Variants in CDADC1 observed in about 807,000 individuals in gnomAD.
The protein encoded by CDADC1 is cytidine and dCMP deaminase domain containing 1, also known as dCTP deaminase.
Under a neutral mutation model 54.9 loss-of-function variants are expected in CDADC1, and 39 were observed. The ratio of observed to expected loss-of-function variants is 0.71; its 90% CI spans 0.55 to 0.93. The LOEUF (loss-of-function observed/expected upper bound fraction) is 0.93, where lower values mean the gene tolerates loss of function less well. Among genes scored for constraint, CDADC1 ranks in the 40% least tolerant of loss-of-function variants. The pLI, the probability that CDADC1 is intolerant of heterozygous loss-of-function variation, is 0.00. For synonymous variants in CDADC1, 186 were observed against 204.0 expected (o/e 0.91, Z 0.75); for missense variants, 518 against 618.8 (o/e 0.84, Z 1.73).
intron 9 of CDADC1, among the ~76,000 whole-genome samples, chr13:49,289,287 C>T (rs1468635097): frequency 6.6e-6 from 1 of 151,918 alleles, no homozygotes; most frequent in African/African-American, 2.4e-5. Flanking sequence ...CACCACCATG[C>T]CCAGCTAATT....
At position 49,267,125 on chromosome 13, in the gene CDADC1, G is replaced by A. The variant is rs74951688; in HGVS notation, c.431-365G>A. On this transcript the variant is annotated intron_variant, in intron 4 of 9. Coordinates refer to ENST00000251108, the MANE Select transcript of CDADC1 (RefSeq NM_030911.4). ...TCACAGCTACTCAACTCTGCCACAC[G>A]AAAGCACCCAAAGACTATATAAGTG... is the stretch of plus-strand genomic sequence containing the variant. Among the ~76,000 whole-genome samples, 677 of 152,284 alleles carry A rather than the reference G, an allele frequency of 4.4e-3. 5 individuals are homozygous for A. Among genetic ancestry groups the A allele is most frequent in the African/African-American group, 0.016 (645 of 41,548 alleles).
chr13:49,271,122 G>A (rs1455003956), intron 5 of CDADC1, among the ~76,000 whole-genome samples: 1 of 152,152 alleles, frequency 6.6e-6, no homozygotes, highest in African/African-American at 2.4e-5. Flanking sequence ...GTCATGAAAA[G>A]TATGTTACTA....
intron 2 of CDADC1, among the ~76,000 whole-genome samples, chr13:49,253,036 GA>G (rs924123245): frequency 6.6e-6 from 1 of 151,844 alleles, no homozygotes; most frequent in Admixed American, 6.6e-5. Flanking sequence ...CCAATTAAGA[GA>G]AAAAAAGTCT....
intron 9 of CDADC1, among the ~76,000 whole-genome samples, chr13:49,288,281 C>T (rs1253198867): frequency 6.6e-6 from 1 of 152,144 alleles, no homozygotes; most frequent in Non-Finnish European, 1.5e-5. Context: ...AGTGTTTGAT[C>T]TCAGTAAGCA....
intron 5 of CDADC1, among the ~76,000 whole-genome samples, chr13:49,268,578 T>C (rs1037793151): frequency 1.3e-5 from 2 of 152,196 alleles, no homozygotes; most frequent in African/African-American, 4.8e-5. Context: ...AGCAGGAAGA[T>C]TGCTTGAGCC....
At chr13:49,288,593 T>C (rs542351809) in intron 9 of CDADC1, among the ~76,000 whole-genome samples, 27 of 152,300 alleles carry the variant, frequency 1.8e-4, no homozygotes, top group South Asian at 4.1e-4. Flanking sequence ...AGTTGAGAAA[T>C]AGACACCAGA....
intron 5 of CDADC1, among the ~76,000 whole-genome samples, chr13:49,268,360 G>A (rs760849400): frequency 1.6e-4 from 24 of 152,076 alleles, no homozygotes; most frequent in Non-Finnish European, 2.2e-4. Context: ...CTAAAGGTAG[G>A]ACAAGAAGAG....
chr13:49,292,695 T>TG lies in CDADC1; in HGVS notation c.*939dup. 1 of 1,258,556 alleles carries TG rather than the reference T, an allele frequency of 7.9e-7. No individual in the cohort carries two copies. The highest frequency in any genetic ancestry group is 1.0e-6 in the Non-Finnish European group (1 of 975,888). 78.0% of individuals were successfully genotyped at this position (1,258,556 alleles called of 1,614,324 possible). A position where few individuals can be genotyped will look rare whatever the true frequency, so the allele number is the denominator to read the frequency against. ...ATTTCAGCTATTCCAGATTGCTGTC[T>TG]GTGATTTCTCACATTTTTATTTGCT... On this transcript the variant is annotated 3_prime_UTR_variant, in exon 10 of 10. Coordinates refer to ENST00000251108, the MANE Select transcript of CDADC1 (RefSeq NM_030911.4).
chr13:49,274,596 G>A (rs912668499), intron 6 of CDADC1, among the ~76,000 whole-genome samples: 2 of 152,000 alleles, frequency 1.3e-5, no homozygotes, highest in African/African-American at 2.4e-5. Flanking sequence ...GTGTGAACCC[G>A]GGAGGCCGAG....
At chr13:49,269,575 ATTTG>A (rs1952912778) in intron 5 of CDADC1, among the ~76,000 whole-genome samples, 1 of 152,190 alleles carries the variant, frequency 6.6e-6, no homozygotes, top group Non-Finnish European at 1.5e-5. Flanking sequence ...TGGGTTATAT[ATTTG>A]TTTCTTTGCC....
chr13:49,263,997 C>G (rs1952750648), intron 4 of CDADC1, among the ~76,000 whole-genome samples: 1 of 152,222 alleles, frequency 6.6e-6, no homozygotes, highest in African/African-American at 2.4e-5. Flanking sequence ...AAATACCACA[C>G]AGTGTTTTCT....
chr13:49,253,179 T>C (rs1329715260), intron 2 of CDADC1, among the ~76,000 whole-genome samples: 1 of 152,250 alleles, frequency 6.6e-6, no homozygotes, highest in Non-Finnish European at 1.5e-5. Context: ...TTTGATACTT[T>C]ACCAACATTT....
At chr13:49,266,504 T>C (rs1952819866) in intron 4 of CDADC1, among the ~76,000 whole-genome samples, 1 of 152,222 alleles carries the variant, frequency 6.6e-6, no homozygotes, top group South Asian at 2.1e-4. Flanking sequence ...TCTATTTAGT[T>C]TGTTGTTTTG....
At chr13:49,262,759 G>A (rs1317605852) in intron 4 of CDADC1, among the ~76,000 whole-genome samples, 1 of 152,142 alleles carries the variant, frequency 6.6e-6, no homozygotes, top group East Asian at 1.9e-4. Context: ...TCGAACTTCT[G>A]ACTCATGATC....
intron 3 of CDADC1, 31 bp downstream of exon 3, chr13:49,255,944 T>C: frequency 6.3e-7 from 1 of 1,595,212 alleles, no homozygotes. Flanking sequence ...ATATATATGC[T>C]CATAATAACA....
At chr13:49,286,627 A>G (rs1439932664) in intron 9 of CDADC1, among the ~76,000 whole-genome samples, 5 of 152,220 alleles carry the variant, frequency 3.3e-5, no homozygotes, top group Non-Finnish European at 7.3e-5. Context: ...AATATGTATA[A>G]TTAGTACAGA....
intron 9 of CDADC1, among the ~76,000 whole-genome samples, chr13:49,287,445 AATTT>A (rs1238700239): frequency 6.6e-6 from 1 of 152,044 alleles, no homozygotes; most frequent in Non-Finnish European, 1.5e-5. Context: ...TCTTTTTAAA[AATTT>A]ATTAGCAAAA....
chr13:49,260,766 T>C (rs761280900), intron 4 of CDADC1, among the ~76,000 whole-genome samples: 45 of 152,214 alleles, frequency 3.0e-4, no homozygotes, highest in Non-Finnish European at 2.5e-4. Flanking sequence ...TCCTAATCTT[T>C]ACTCTCGAGG....
chr13:49,265,776 G>A, intron 4 of CDADC1: 1 of 1,035,242 alleles, frequency 9.7e-7, no homozygotes, highest in Non-Finnish European at 1.3e-6. Flanking sequence ...TTTTAAGAGT[G>A]TTAAGGAATC....
Sources: gnomAD v4.1 joint callset for allele counts (sites outside exome capture counted in the v4.1 genomes callset) on GRCh38, gnomAD v4.1.1 for gene constraint, MANE v1.5 for transcripts, NCBI Gene and HGNC (gene_info 2026-07-23, HGNC 2026-07-21) for gene names.